KREMEN1: variants seen among roughly 807,000 people sequenced by gnomAD.
The protein encoded by KREMEN1 is kremen protein 1.
A neutral mutation model predicts 46.5 loss-of-function variants in KREMEN1; 30 were observed. That is an observed-to-expected ratio of 0.65 (90% CI 0.48 to 0.88). KREMEN1 has a LOEUF of 0.88. Among genes scored for constraint, KREMEN1 ranks in the 40% least tolerant of loss-of-function variants. The pLI is 0.00. For missense variants in KREMEN1, 533 were observed against 596.9 expected (o/e 0.89, Z 1.11); for synonymous variants, 214 against 230.6 (o/e 0.93, Z 0.65).
intron 3 of KREMEN1, among the ~76,000 whole-genome samples, chr22:29,102,162 T>G (rs1427385163): frequency 1.3e-5 from 2 of 152,168 alleles, no homozygotes; most frequent in Admixed American, 6.5e-5. Context: ...TCAGGAGTCT[T>G]GTGTATGGGA....
chr22:29,102,626 T>C (rs115797661), intron 3 of KREMEN1, among the ~76,000 whole-genome samples: 3 of 152,216 alleles, frequency 2.0e-5, no homozygotes, highest in African/African-American at 7.2e-5. Context: ...GACTGATTCA[T>C]GTGGTCATTG....
Position 29,143,163 on chromosome 22 carries a change from C to A in KREMEN1, c.*1051C>A. The A allele has an allele frequency of 4.1e-6, 4 of 983,066 alleles. No homozygotes were observed. The highest frequency in any genetic ancestry group is 4.8e-6 in the Non-Finnish European group (4 of 828,146). 60.9% of individuals were successfully genotyped at this position (983,066 alleles called of 1,614,324 possible). Reference sequence around the variant, plus strand: ...GAGACTCTGTCTCAAAAAAACAAAACACAAATAAACAAAAAAAATCCATTC... The same window carrying A: ...GAGACTCTGTCTCAAAAAAACAAAAAACAAATAAACAAAAAAAATCCATTC... On this transcript the variant is annotated 3_prime_UTR_variant, in exon 9 of 9. Transcript: ENST00000400335.
Position 29,073,145 on chromosome 22 carries a change from C to A in KREMEN1, c.15C>A (p.Ala5=), listed in dbSNP as rs1244974663. The stretch of plus-strand genomic sequence containing the variant: ...ACTGACGGCCCATGGCGCCGCCAGC[C>A]GCCCGCCTCGCCCTGCTCTCCGCCG... MAPP[A]ARLALLSAAA... is the part of the protein sequence containing the mutation. Residue 5 remains alanine, a synonymous_variant, in exon 1 of 9, where the codon GCC becomes GCA. Transcript: ENST00000400335. The surrounding 1 kb of genome is among the most constrained non-coding windows in gnomAD (Gnocchi z 4.4). 2 of 1,106,314 alleles carry A rather than the reference C, an allele frequency of 1.8e-6. No homozygotes were observed. Among genetic ancestry groups the A allele is most frequent in the South Asian group, 3.9e-5 (1 of 25,784 alleles). The allele number at this position is 1,106,314 out of a possible 1,614,324, so 68.5% of individuals were successfully genotyped here.
At chr22:29,098,658 T>G (rs1460659891) in intron 2 of KREMEN1, among the ~76,000 whole-genome samples, 1 of 152,156 alleles carries the variant, frequency 6.6e-6, no homozygotes. Flanking sequence ...CCCCCCAAAC[T>G]CTGAAGTATA....
At chr22:29,082,023 C>G (rs2037662639) in intron 1 of KREMEN1, among the ~76,000 whole-genome samples, 1 of 152,140 alleles carries the variant, frequency 6.6e-6, no homozygotes, top group East Asian at 1.9e-4. Context: ...GGGGAATTTT[C>G]TTGCCATCTG....
intron 9 of KREMEN1, among the ~76,000 whole-genome samples, chr22:29,160,561 A>G (rs2039002624): frequency 6.8e-6 from 1 of 147,268 alleles, no homozygotes; most frequent in Non-Finnish European, 1.5e-5. Context: ...AAAAAAAAAA[A>G]AATTAAGAAG....
intron 5 of KREMEN1, among the ~76,000 whole-genome samples, chr22:29,131,435 T>TA (rs1361316122): frequency 1.3e-5 from 2 of 149,510 alleles, no homozygotes; most frequent in Non-Finnish European, 3.0e-5. Context: ...TTTTTTTTTT[T>TA]ATCACCTCAC....
chr22:29,117,951 G>C (rs563550632), intron 3 of KREMEN1, among the ~76,000 whole-genome samples: 4 of 152,112 alleles, frequency 2.6e-5, no homozygotes, highest in African/African-American at 7.3e-5. Context: ...TGCATTCTGC[G>C]GGTCAGGAAA....
At chr22:29,162,737 A>G (rs555006066) in intron 9 of KREMEN1, among the ~76,000 whole-genome samples, 1 of 152,278 alleles carries the variant, frequency 6.6e-6, no homozygotes, top group Non-Finnish European at 1.5e-5. Flanking sequence ...AAAAAGAAAA[A>G]AAAGCAATTC....
chr22:29,144,085 A>G lies in KREMEN1; in HGVS notation c.*1973A>G. ...AAAGCAGCCTGTGCCTCTGCTGGCC[A>G]GGCCTAGGCCCTCGTCAGAGCGTGC... On this transcript the variant is annotated 3_prime_UTR_variant, in exon 9 of 9. Coordinates refer to ENST00000400335, the MANE Select transcript of KREMEN1 (RefSeq NM_001039570.3). 1.0e-6 allele frequency: 1 copy of G among 985,536 alleles called. No homozygotes were observed. The highest frequency in any genetic ancestry group is 1.2e-6 in the Non-Finnish European group (1 of 829,988). 61.0% of individuals were successfully genotyped at this position (985,536 alleles called of 1,614,324 possible). A position where few individuals can be genotyped will look rare whatever the true frequency, so the allele number is the denominator to read the frequency against.
chr22:29,141,802 A>T, intron 8 of KREMEN1, 142 bp from the exon 9 acceptor site: 1 of 535,566 alleles, frequency 1.9e-6, no homozygotes, highest in Non-Finnish European at 3.1e-6. Flanking sequence ...GTTGCACGCT[A>T]GTCCTTCAGA....
At chr22:29,081,898 C>T (rs2037661027) in intron 1 of KREMEN1, among the ~76,000 whole-genome samples, 1 of 152,210 alleles carries the variant, frequency 6.6e-6, no homozygotes, top group African/African-American at 2.4e-5. Flanking sequence ...CTGGTATCAG[C>T]TCCCCACTCA....
downstream of KREMEN1, among the ~76,000 whole-genome samples, chr22:29,147,349 T>C (rs538065537): frequency 6.6e-6 from 1 of 152,324 alleles, no homozygotes; most frequent in African/African-American, 2.4e-5. Context: ...AAGAAGCTAA[T>C]AGAAGCTCCA....
rs1402586888 is a variant in KREMEN1, at chr22:29,140,298, T to G, written c.1140T>G (p.Gly380=). Reference sequence around the variant, plus strand: ...CACTTGCAGGATGGACAGTCTATGGTCTGGCAACTCTCCTCATCCTCACAG... The same window carrying G: ...CACTTGCAGGATGGACAGTCTATGGGCTGGCAACTCTCCTCATCCTCACAG... The part of the protein sequence containing the change: ...PQTVPGWTVY[G]LATLLILTVT... The change falls in exon 8 of 9, where the codon GGT becomes GGG. Residue 380 remains glycine (G), a synonymous_variant. Coordinates refer to ENST00000400335, the MANE Select transcript of KREMEN1 (RefSeq NM_001039570.3). 1.9e-6 allele frequency: 3 copies of G among 1,613,926 alleles called. No individual in the cohort carries two copies. The African/African-American group carries it at 4.0e-5, about 22-fold the overall frequency.
intron 1 of KREMEN1, among the ~76,000 whole-genome samples, chr22:29,089,676 A>G (rs1355343632): frequency 6.6e-6 from 1 of 152,186 alleles, no homozygotes; most frequent in Non-Finnish European, 1.5e-5. Context: ...TACACTTAGA[A>G]CAAAAGCCAA....
intron 9 of KREMEN1, among the ~76,000 whole-genome samples, chr22:29,152,805 G>A (rs2038926145): frequency 6.6e-6 from 1 of 152,184 alleles, no homozygotes; most frequent in Non-Finnish European, 1.5e-5. Flanking sequence ...ATTCAGCCTG[G>A]GGGTGCCCCA....
chr22:29,131,740 A>ATATATATG lies in KREMEN1; in HGVS notation c.632-5586_632-5579dup, dbSNP rs1339871468. Among the ~76,000 whole-genome samples, 7 of 137,214 alleles carry ATATATATG rather than the reference A, an allele frequency of 5.1e-5. No homozygotes were observed. The South Asian group carries it at 1.4e-3, about 27-fold the overall frequency. The allele number at this position is 137,214 out of a possible 152,430, so 90.0% of individuals were successfully genotyped here. The stretch of plus-strand genomic sequence containing the variant: ...TATGTATATATATGTATATATGTGT[A>ATATATATG]TATATATGTATATATGTATATATAT... On this transcript the variant is annotated intron_variant, in intron 5 of 8. Transcript: ENST00000400335.
Position 29,107,209 on chromosome 22 carries a change from C to T in KREMEN1, c.352+8256C>T, listed in dbSNP as rs376426228. Among the ~76,000 whole-genome samples the T allele has an allele frequency of 8.0e-3, 1,195 of 148,926 alleles. 17 individuals are homozygous for T. Among genetic ancestry groups the T allele is most frequent in the African/African-American group, 0.028 (1,120 of 39,548 alleles). On this transcript the variant is annotated intron_variant, in intron 3 of 8. Transcript: ENST00000400335. The stretch of plus-strand genomic sequence containing the variant: ...CTCTGAAATGACACATCCCCGTGTA[C>T]CATTTATACTTTTTTTTTTTTTTTT...
chr22:29,151,286 TG>T (rs543625101), downstream of KREMEN1, among the ~76,000 whole-genome samples: 45 of 152,186 alleles, frequency 3.0e-4, no homozygotes, highest in Non-Finnish European at 6.2e-4. Flanking sequence ...AAAGTTAAAA[TG>T]AGGCCAGAAG....
Sources: allele counts gnomAD v4.1 joint callset (sites outside exome capture counted in the v4.1 genomes callset), GRCh38; gene constraint gnomAD v4.1.1; non-coding constraint Gnocchi (gnomAD v3.1); transcripts MANE v1.5; gene names NCBI Gene and HGNC (gene_info 2026-07-23, HGNC 2026-07-21).